IPMK: variants seen among roughly 807,000 people sequenced by gnomAD.
The protein encoded by IPMK is inositol polyphosphate multikinase.
In IPMK, 17 loss-of-function variants were observed where a neutral mutation model predicts 45.8. The observed-to-expected ratio is 0.37, with a 90% CI of 0.25 to 0.56. The LOEUF (loss-of-function observed/expected upper bound fraction) is 0.56, where lower values mean the gene tolerates loss of function less well. IPMK is among the 20% of genes least tolerant of loss of function. The pLI is 0.79. For synonymous variants in IPMK, 180 were observed against 184.3 expected, an observed-to-expected ratio of 0.98 and a Z score of 0.19; for missense variants, 399 against 498.0, an observed-to-expected ratio of 0.80 and a Z score of 1.89.
At chr10:58,202,423 G>T (rs1225220793) in intron 4 of IPMK, among the ~76,000 whole-genome samples, 1 of 152,190 alleles carries the variant, frequency 6.6e-6, no homozygotes, top group Non-Finnish European at 1.5e-5. Flanking sequence ...GAGGCAGGAG[G>T]ATTGCTTGAG....
At chr10:58,260,177 A>G (rs781035564) in intron 1 of IPMK, among the ~76,000 whole-genome samples, 4 of 152,258 alleles carry the variant, frequency 2.6e-5, no homozygotes, top group Non-Finnish European at 4.4e-5. Flanking sequence ...GAATATAATC[A>G]TGACAAAACA....
At chr10:58,230,535 G>A (rs1838498307) in intron 2 of IPMK, among the ~76,000 whole-genome samples, 1 of 152,188 alleles carries the variant, frequency 6.6e-6, no homozygotes, top group African/African-American at 2.4e-5. Context: ...CAGGCAAACG[G>A]TCTGGAGTGG....
chr10:58,243,859 C>T (rs530708168), intron 1 of IPMK, among the ~76,000 whole-genome samples: 132 of 151,618 alleles, frequency 8.7e-4, no homozygotes, highest in African/African-American at 2.9e-3. Flanking sequence ...ACCCTCTGCC[C>T]GGCCGCCCCA....
intron 2 of IPMK, among the ~76,000 whole-genome samples, chr10:58,234,990 T>A (rs1285444003): frequency 6.6e-6 from 1 of 151,750 alleles, no homozygotes; most frequent in East Asian, 1.9e-4. Context: ...AACAACCCCA[T>A]CAAAAAGGGG....
At chr10:58,227,512 A>G (rs1040143045) in intron 2 of IPMK, among the ~76,000 whole-genome samples, 7 of 152,194 alleles carry the variant, frequency 4.6e-5, no homozygotes, top group African/African-American at 1.4e-4. Flanking sequence ...CAATATGAAA[A>G]TTCACATCAA....
intron 3 of IPMK, among the ~76,000 whole-genome samples, chr10:58,216,617 CT>C (rs1475517522): frequency 6.6e-6 from 1 of 151,904 alleles, no homozygotes; most frequent in Non-Finnish European, 1.5e-5. Flanking sequence ...ATTTCAAAAG[CT>C]TTTCCAGAAT....
chr10:58,266,193 G>A (rs569029716), intron 1 of IPMK, among the ~76,000 whole-genome samples: 14 of 136,956 alleles, frequency 1.0e-4, no homozygotes, highest in African/African-American at 4.1e-4. Flanking sequence ...CCCAGTCCGT[G>A]CACAAGGCTA....
At chr10:58,211,190 G>GTT (rs1450283682) in intron 4 of IPMK, among the ~76,000 whole-genome samples, 16 of 115,770 alleles carry the variant, frequency 1.4e-4, no homozygotes, top group Admixed American at 1.6e-4. Flanking sequence ...TGATTACCCG[G>GTT]TTTTTTTTTT....
intron 1 of IPMK, among the ~76,000 whole-genome samples, chr10:58,255,025 G>C (rs1408866922): frequency 6.6e-6 from 1 of 152,210 alleles, no homozygotes; most frequent in Admixed American, 6.5e-5. Context: ...ACTTAATCAT[G>C]GCTGTTAGTT....
intron 2 of IPMK, among the ~76,000 whole-genome samples, chr10:58,229,785 G>A (rs1203104747): frequency 6.6e-6 from 1 of 152,120 alleles, no homozygotes; most frequent in Non-Finnish European, 1.5e-5. Flanking sequence ...TGTGATCGAC[G>A]CAGAAGACGG....
chr10:58,196,853 T>C (rs1459609885), intron 5 of IPMK, among the ~76,000 whole-genome samples, 155 bp from the exon 6 acceptor site: 1 of 152,220 alleles, frequency 6.6e-6, no homozygotes. Flanking sequence ...TAGTCAGATA[T>C]AGAAGTCTGA....
At chr10:58,237,390 T>C (rs1477986089) in intron 2 of IPMK, among the ~76,000 whole-genome samples, 2 of 152,236 alleles carry the variant, frequency 1.3e-5, no homozygotes, top group Non-Finnish European at 1.5e-5. Flanking sequence ...CCATAAGCTC[T>C]AACCTTACCT....
intron 1 of IPMK, 39 bp downstream of exon 1, chr10:58,267,383 C>A (rs1564543831): frequency 5.6e-6 from 9 of 1,603,236 alleles, no homozygotes; most frequent in East Asian, 2.2e-5. Flanking sequence ...CTCGCACAGG[C>A]GGAAGGGGAG....
chr10:58,248,782 G>T (rs1588970028), intron 1 of IPMK, among the ~76,000 whole-genome samples: 1 of 152,206 alleles, frequency 6.6e-6, no homozygotes, highest in East Asian at 1.9e-4. Context: ...TCTGAATGAG[G>T]TCATGTGTTA....
At chr10:58,232,951 A>G (rs2790225) in intron 2 of IPMK, among the ~76,000 whole-genome samples, 22,718 of 152,138 alleles carry the variant, frequency 0.15, 2,311 homozygotes, top group African/African-American at 0.29. Flanking sequence ...TAAAGAAGAG[A>G]GAAGAATCAA....
At chr10:58,208,035 G>T (rs1381472461) in intron 4 of IPMK, among the ~76,000 whole-genome samples, 1 of 152,044 alleles carries the variant, frequency 6.6e-6, no homozygotes, top group Non-Finnish European at 1.5e-5. Flanking sequence ...CCACCTCCCG[G>T]GTTCACGCCA....
intron 4 of IPMK, among the ~76,000 whole-genome samples, chr10:58,212,374 T>G (rs1220494004): frequency 6.6e-6 from 1 of 152,210 alleles, no homozygotes; most frequent in Non-Finnish European, 1.5e-5. Context: ...CACGTTTTTC[T>G]TAAAAACAAT....
chr10:58,199,065 T>C (rs1302632645), intron 5 of IPMK, among the ~76,000 whole-genome samples, 175 bp downstream of exon 5: 1 of 152,134 alleles, frequency 6.6e-6, no homozygotes, highest in African/African-American at 2.4e-5. Flanking sequence ...ATGCTCTTGA[T>C]ATATTATGAA....
intron 1 of IPMK, among the ~76,000 whole-genome samples, chr10:58,249,619 T>C (rs767032276): frequency 1.3e-5 from 2 of 152,198 alleles, no homozygotes; most frequent in African/African-American, 4.8e-5. Flanking sequence ...CTCACAAGGA[T>C]AGTCTACAGA....
Sources: allele counts gnomAD v4.1 joint callset (sites outside exome capture counted in the v4.1 genomes callset), GRCh38; gene constraint gnomAD v4.1.1; transcripts MANE v1.5; gene names NCBI Gene and HGNC (gene_info 2026-07-23, HGNC 2026-07-21).